NECTIN1: variants seen among roughly 807,000 people sequenced by gnomAD.
NECTIN1 encodes the protein nectin-1.
A neutral mutation model predicts 48.0 loss-of-function variants in NECTIN1; 23 were observed. The ratio of observed to expected loss-of-function variants is 0.48; its 90% CI spans 0.34 to 0.68. NECTIN1 has a LOEUF of 0.68. NECTIN1 is among the 30% of genes least tolerant of loss of function. NECTIN1 has a pLI of 0.01. For missense variants in NECTIN1, 591 were observed against 709.9 expected, an observed-to-expected ratio of 0.83 and a Z score of 1.90; for synonymous variants, 270 against 288.9, an observed-to-expected ratio of 0.93 and a Z score of 0.66.
intron 1 of NECTIN1, among the ~76,000 whole-genome samples, chr11:119,688,556 A>G (rs762223719): frequency 3.3e-5 from 5 of 152,120 alleles, no homozygotes; most frequent in African/African-American, 1.2e-4. Context: ...AACCACAGAC[A>G]TTGCTGCATC....
At chr11:119,719,369 G>A (rs529236942) in intron 1 of NECTIN1, among the ~76,000 whole-genome samples, 1 of 152,288 alleles carries the variant, frequency 6.6e-6, no homozygotes, top group South Asian at 2.1e-4. Context: ...TCTGCCACCC[G>A]CCAGGAAGAG....
chr11:119,677,444 A>G lies in NECTIN1; in HGVS notation c.733+111T>C. 8.0e-7 allele frequency: 1 copy of G among 1,244,698 alleles called. No individual in the cohort carries two copies. Among genetic ancestry groups the G allele is most frequent in the Non-Finnish European group, 1.2e-6 (1 of 854,968 alleles). The allele number at this position is 1,244,698 out of a possible 1,614,324, so 77.1% of individuals were successfully genotyped here. A position where few individuals can be genotyped will look rare whatever the true frequency, so the allele number is the denominator to read the frequency against. On this transcript the variant is annotated intron_variant, in intron 3 of 5. Transcript: ENST00000264025. The surrounding 1 kb of genome is among the most constrained non-coding windows in gnomAD (Gnocchi z 5.4). ...AAAGGGAGGAGATAGGGGAGACAGG[A>G]GGGGAGAAGAAAGCACCCCCAGAAA...
chr11:119,677,088 C>G lies in NECTIN1; in HGVS notation c.851+14G>C. On this transcript the variant is annotated intron_variant, in intron 4 of 5. Coordinates refer to ENST00000264025, the MANE Select transcript of NECTIN1 (RefSeq NM_002855.5). The surrounding 1 kb of genome is among the most constrained non-coding windows in gnomAD (Gnocchi z 5.4). ...CTGTCTTCCAAGGTGACTGGTCAGC[C>G]CTGCAGCACTTACGTGGTCCAGTGG... 1 of 1,610,156 alleles carries G rather than the reference C, an allele frequency of 6.2e-7. No homozygotes were observed. Among genetic ancestry groups the G allele is most frequent in the Non-Finnish European group, 8.5e-7 (1 of 1,176,444 alleles).
chr11:119,689,196 T>C (rs1196676282), intron 1 of NECTIN1, among the ~76,000 whole-genome samples: 3 of 152,212 alleles, frequency 2.0e-5, no homozygotes, highest in South Asian at 2.1e-4. Flanking sequence ...AATTCTTTCA[T>C]ATTAAAGTCA....
intron 1 of NECTIN1, among the ~76,000 whole-genome samples, chr11:119,679,419 G>T (rs898889848): frequency 5.9e-5 from 9 of 152,166 alleles, no homozygotes; most frequent in Non-Finnish European, 1.2e-4. Flanking sequence ...CCCATCCCCT[G>T]GGGTGCACTA....
chr11:119,688,962 G>A (rs1160988250), intron 1 of NECTIN1, among the ~76,000 whole-genome samples: 1 of 152,000 alleles, frequency 6.6e-6, no homozygotes, highest in African/African-American at 2.4e-5. Context: ...GGGGACATGC[G>A]GTGGGGTGTT....
intron 1 of NECTIN1, chr11:119,713,510 T>TCCCCCCCCCCCCCCCCCCCCCCTCC (rs1591484410): frequency 7.5e-6 from 1 of 134,000 alleles, no homozygotes; most frequent in Non-Finnish European, 1.6e-5. Context: ...ACGTGCCCCG[T>TCCCCCCCCCCCCCCCCCCCCCCTCC]CTCCCCCCTT....
chr11:119,708,749 G>A (rs190854872), intron 1 of NECTIN1, among the ~76,000 whole-genome samples: 44 of 152,240 alleles, frequency 2.9e-4, no homozygotes, highest in Non-Finnish European at 5.4e-4. Flanking sequence ...TCAGGAGGGC[G>A]AATTTTGTGG....
Position 119,728,653 on chromosome 11 carries a change from GCGCTCGAA to G in NECTIN1, c.-108_-101del. On this transcript the variant is annotated 5_prime_UTR_variant, in exon 1 of 6. Coordinates refer to ENST00000264025, the MANE Select transcript of NECTIN1 (RefSeq NM_002855.5). ...AGGGAAGATCGCTGGCGGTCGGCGGGCGCTCGAAGGATCCAGGTCAGCTGCAGCCGTCG... is the reference window on the plus strand; with the variant it reads ...AGGGAAGATCGCTGGCGGTCGGCGGGGGATCCAGGTCAGCTGCAGCCGTCG... 1.9e-6 allele frequency: 1 copy of G among 538,356 alleles called. No homozygotes were observed. Among genetic ancestry groups the G allele is most frequent in the Admixed American group, 3.9e-5 (1 of 25,888 alleles). 33.3% of individuals were successfully genotyped at this position (538,356 alleles called of 1,614,324 possible).
Position 119,675,314 on chromosome 11 carries a change from T to C in NECTIN1, c.852-4A>G, listed in dbSNP as rs746539776. ...CTTGGGGAGAGAGCCATTTAGCCTG[T>C]GGGAAGTGGGAGACACAGCGTAGGG... On this transcript the variant is annotated splice_region_variant and splice_polypyrimidine_tract_variant and intron_variant, in intron 4 of 5. Coordinates refer to ENST00000264025, the MANE Select transcript of NECTIN1 (RefSeq NM_002855.5). 4.3e-6 allele frequency: 7 copies of C among 1,614,082 alleles called. No homozygotes were observed. The South Asian group carries it at 4.4e-5, about 10-fold the overall frequency.
At position 119,672,281 on chromosome 11, in the gene NECTIN1, C is replaced by A. The variant is rs1864871492; in HGVS notation, c.1003+2878G>T. On this transcript the variant is annotated intron_variant, in intron 5 of 5. Coordinates refer to ENST00000264025, the MANE Select transcript of NECTIN1 (RefSeq NM_002855.5). The surrounding 1 kb of genome is among the most constrained non-coding windows in gnomAD (Gnocchi z 4.3). ...AGGCCTGGCCTGTCTCCTCCCGACA[C>A]CCACAGGGATAGAGGCTGCCTCATC... Among the ~76,000 whole-genome samples the A allele has an allele frequency of 1.3e-5, 2 of 152,176 alleles. No individual in the cohort carries two copies.
intron 5 of NECTIN1, among the ~76,000 whole-genome samples, chr11:119,667,399 C>A (rs551050839): frequency 6.6e-6 from 1 of 152,170 alleles, no homozygotes; most frequent in Admixed American, 6.5e-5. Flanking sequence ...CTGCTAGTCA[C>A]GGGATATGAG....
Position 119,663,172 on chromosome 11 carries a change from G to C in NECTIN1, c.*1575C>G, listed in dbSNP as rs1864697687. The stretch of plus-strand genomic sequence containing the variant: ...CTGGGGTGAGTTAACTGGAATCCCA[G>C]TGGGCAGGCATGAAGGGCCGCGAAG... On this transcript the variant is annotated 3_prime_UTR_variant, in exon 6 of 6. Transcript: ENST00000264025. The C allele has an allele frequency of 1.0e-6, 1 of 985,400 alleles. No homozygotes were observed. Among genetic ancestry groups the C allele is most frequent in the African/African-American group, 1.7e-5 (1 of 57,240 alleles). 61.0% of individuals were successfully genotyped at this position (985,400 alleles called of 1,614,324 possible).
At chr11:119,651,505 C>T (rs1334250559) in intron 5 of NECTIN1, among the ~76,000 whole-genome samples, 2 of 152,080 alleles carry the variant, frequency 1.3e-5, no homozygotes, top group African/African-American at 4.8e-5. Context: ...CTGCTCCTAC[C>T]GTGGTTTTCC....
At chr11:119,675,436 T>C (rs968106595) in intron 4 of NECTIN1, 126 bp from the exon 5 acceptor site, 21 of 846,214 alleles carry the variant, frequency 2.5e-5, no homozygotes, top group Non-Finnish European at 1.5e-5. Flanking sequence ...AGTCTGTCTT[T>C]GAAGGAAGAA....
chr11:119,664,072 C>T lies in NECTIN1; in HGVS notation c.*675G>A, dbSNP rs528807717. ...AGGGGACGCGTCAGAGCTAGGCCAA[C>T]TCCACTCTCTGTGGGCCAATGAGGA... is the stretch of plus-strand genomic sequence containing the variant. On this transcript the variant is annotated 3_prime_UTR_variant, in exon 6 of 6. Coordinates refer to ENST00000264025, the MANE Select transcript of NECTIN1 (RefSeq NM_002855.5). 3 of 985,708 alleles carry T rather than the reference C, an allele frequency of 3.0e-6. No homozygotes were observed. Among genetic ancestry groups the T allele is most frequent in the African/African-American group, 1.7e-5 (1 of 57,326 alleles). The allele number at this position is 985,708 out of a possible 1,614,324, so 61.1% of individuals were successfully genotyped here. A position where few individuals can be genotyped will look rare whatever the true frequency, so the allele number is the denominator to read the frequency against.
intron 1 of NECTIN1, among the ~76,000 whole-genome samples, chr11:119,698,953 C>T (rs1300896326): frequency 6.6e-6 from 1 of 152,162 alleles, no homozygotes; most frequent in African/African-American, 2.4e-5. Flanking sequence ...TCTAAGCTGC[C>T]CTGTGCCAGC....
chr11:119,677,105 G>T lies in NECTIN1; in HGVS notation c.848C>A (p.Thr283Asn), dbSNP rs773684377. ...ANPPATEYHW[T>N]TLNGSLPKGV... The stretch of plus-strand genomic sequence containing the variant: ...TGGTCAGCCCTGCAGCACTTACGTG[G>T]TCCAGTGGTACTCAGTGGCTGGGGG... Residue 283 changes from threonine to asparagine, a missense_variant, in exon 4 of 6, where the codon ACC (threonine) becomes AAC (asparagine). Thr to Asn is a moderately conservative substitution (Grantham distance 65, BLOSUM62 0). Coordinates refer to ENST00000264025, the MANE Select transcript of NECTIN1 (RefSeq NM_002855.5). This position sits in a 1 kb window ranked among gnomAD's most constrained non-coding sequence, Gnocchi z 5.4. The T allele has an allele frequency of 3.1e-6, 5 of 1,613,570 alleles. No homozygotes were observed. Among genetic ancestry groups the T allele is most frequent in the Non-Finnish European group, 4.2e-6 (5 of 1,179,554 alleles).
In NECTIN1 at chr11:119,728,519, C is replaced by A. The variant is rs772860904; in HGVS notation, c.35G>T (p.Arg12Leu). 2 of 1,594,444 alleles carry A rather than the reference C, an allele frequency of 1.3e-6. No homozygotes were observed. Among genetic ancestry groups the A allele is most frequent in the Non-Finnish European group, 1.7e-6 (2 of 1,171,234 alleles). The stretch of plus-strand genomic sequence containing the variant: ...CAAGCCGAGAGCGAGTCCCCACCAG[C>A]GTCCAGCGGCGCCCGCAAGCCCCAT... The part of the protein sequence containing the change: ...ARMGLAGAAG[R>L]WWGLALGLTA... Residue 12 changes from arginine (R) to leucine (L), a missense_variant, in exon 1 of 6, where the codon CGC (arginine) becomes CTC (leucine). Transcript: ENST00000264025.
Sources: allele counts gnomAD v4.1 joint callset (sites outside exome capture counted in the v4.1 genomes callset), GRCh38; gene constraint gnomAD v4.1.1; non-coding constraint Gnocchi (gnomAD v3.1); transcripts MANE v1.5; gene names NCBI Gene and HGNC (gene_info 2026-07-23, HGNC 2026-07-21).